The following ARMC8 variants were observed in gnomAD, a reference collection of about 807,000 sequenced individuals.
ARMC8 encodes armadillo repeat-containing protein 8.
Under a neutral mutation model 99.3 loss-of-function variants are expected in ARMC8, and 20 were observed. The observed-to-expected ratio is 0.20, with a 90% CI of 0.14 to 0.29. The LOEUF (loss-of-function observed/expected upper bound fraction) is 0.29. Ranked by LOEUF, ARMC8 falls within the 10% of genes least tolerant of loss-of-function variation. The pLI is 1.00. For synonymous variants in ARMC8, 263 were observed against 278.3 expected, an observed-to-expected ratio of 0.95 and a Z score of 0.55; for missense variants, 569 against 809.5, an observed-to-expected ratio of 0.70 and a Z score of 3.60.
intron 1 of ARMC8, among the ~76,000 whole-genome samples, chr3:138,191,195 ACTAT>A (rs1391524475): frequency 6.6e-6 from 1 of 152,164 alleles, no homozygotes; most frequent in African/African-American, 2.4e-5. Flanking sequence ...GTTTGATTGA[ACTAT>A]CTATTTTGGA....
intron 1 of ARMC8, chr3:138,188,520 C>T: frequency 1.2e-6 from 2 of 1,613,948 alleles, no homozygotes; most frequent in Non-Finnish European, 1.7e-6. Flanking sequence ...AGCTGTCCGA[C>T]TCTGAGAATG....
Position 138,270,076 on chromosome 3 carries a change from G to A in ARMC8, c.1423G>A (p.Gly475Arg). 7 of 1,613,462 alleles carry A rather than the reference G, an allele frequency of 4.3e-6. 1 individual carries two copies. The highest frequency in any genetic ancestry group is 5.9e-6 in the Non-Finnish European group (7 of 1,179,678). ...ATCAGGAGCCGTAGAGCTACTTTGT[G>A]GATTAACTCAGAGTGAAAATCCTGC... ...LESGAVELLC[G>R]LTQSENPALR... Residue 475 changes from glycine (G) to arginine (R), a missense_variant, in exon 16 of 22, where the codon GGA (glycine) becomes AGA (arginine). Around this residue, in one of 2 missense-constraint regions of ARMC8, gnomAD observed 227 missense variants for 417.9 expected, o/e 0.54. Coordinates refer to ENST00000469044, the MANE Select transcript of ARMC8 (RefSeq NM_001363941.2).
Position 138,296,029 on chromosome 3 carries a change from G to T in ARMC8, c.*137G>T. 1 of 702,492 alleles carries T rather than the reference G, an allele frequency of 1.4e-6. No homozygotes were observed. The allele number at this position is 702,492 out of a possible 1,614,324, so 43.5% of individuals were successfully genotyped here. ...GCTGTTTTGCAAAAGCAGTTTAGTA[G>T]GCTTAGATCTCAAATTCATCTTGAG... On this transcript the variant is annotated 3_prime_UTR_variant, in exon 22 of 22. Transcript: ENST00000469044.
Position 138,241,884 on chromosome 3 carries a change from G to A in ARMC8, c.939G>A (p.Glu313=). ...TLAYLIEPDV[E]LQRIASITDH... ...CCTATCTGATTGAACCAGATGTTGAGCTACAGAGAATCGCTAGCATAACTG... is the reference window on the plus strand; with the variant it reads ...CCTATCTGATTGAACCAGATGTTGAACTACAGAGAATCGCTAGCATAACTG... Residue 313 remains glutamate (E), a synonymous_variant, in exon 11 of 22, where the codon GAG becomes GAA. Transcript: ENST00000469044. 1 of 1,614,018 alleles carries A rather than the reference G, an allele frequency of 6.2e-7. No homozygotes were observed. The highest frequency in any genetic ancestry group is 8.5e-7 in the Non-Finnish European group (1 of 1,179,954).
At position 138,187,915 on chromosome 3, in the gene ARMC8, G is replaced by T. The variant is rs1050350980; in HGVS notation, c.45+316G>T. 1.4e-5 allele frequency: 6 copies of T among 423,728 alleles called. No individual in the cohort carries two copies. In the South Asian group the frequency reaches 2.5e-4, roughly 18 times the overall value. 26.2% of individuals were successfully genotyped at this position (423,728 alleles called of 1,614,324 possible). On this transcript the variant is annotated intron_variant, in intron 1 of 21. Transcript: ENST00000469044. ...CTTGGACTTTGCCAAGCGTTTCACT[G>T]AGCCTTCCTTTTAGCGATGCCGCTT...
intron 2 of ARMC8, among the ~76,000 whole-genome samples, chr3:138,218,241 C>T (rs1427193718): frequency 1.3e-5 from 2 of 152,156 alleles, no homozygotes; most frequent in African/African-American, 4.8e-5. Flanking sequence ...GGGGCATCAG[C>T]CACTTAGTTG....
At chr3:138,259,437 T>C (rs1320328557) in intron 12 of ARMC8, among the ~76,000 whole-genome samples, 1 of 152,240 alleles carries the variant, frequency 6.6e-6, no homozygotes, top group Non-Finnish European at 1.5e-5. Flanking sequence ...TGCAAAACCC[T>C]GGTTAGATCA....
chr3:138,250,040 G>T (rs1337185861), intron 12 of ARMC8, among the ~76,000 whole-genome samples: 1 of 151,988 alleles, frequency 6.6e-6, no homozygotes, highest in Non-Finnish European at 1.5e-5. Context: ...TTCCTTGAAG[G>T]AAAAAAAGTT....
intron 1 of ARMC8, among the ~76,000 whole-genome samples, chr3:138,204,447 C>G (rs1559919985): frequency 1.3e-5 from 2 of 152,184 alleles, no homozygotes; most frequent in South Asian, 2.1e-4. Context: ...AAAATAGACT[C>G]TCTCCTGAGT....
chr3:138,197,366 A>T (rs964232946), intron 1 of ARMC8, among the ~76,000 whole-genome samples: 10 of 152,318 alleles, frequency 6.6e-5, no homozygotes, highest in African/African-American at 2.4e-4. Context: ...CTTTTTTATC[A>T]GGAAGGCGCC....
At chr3:138,208,669 C>T (rs76015797) in intron 1 of ARMC8, among the ~76,000 whole-genome samples, 2,262 of 152,038 alleles carry the variant, frequency 0.015, 60 homozygotes, top group African/African-American at 0.052. Context: ...TTATTGCTAA[C>T]GGCGGGGGAG....
intron 1 of ARMC8, among the ~76,000 whole-genome samples, chr3:138,205,880 T>A (rs995202654): frequency 6.6e-6 from 1 of 152,058 alleles, no homozygotes; most frequent in Non-Finnish European, 1.5e-5. Context: ...AAAATAAAAA[T>A]CCTAACAATG....
intron 1 of ARMC8, among the ~76,000 whole-genome samples, chr3:138,206,038 T>C (rs531702023): frequency 1.3e-5 from 2 of 152,368 alleles, no homozygotes; most frequent in South Asian, 4.1e-4. Context: ...AAGCAAAATA[T>C]TATTTCAATA....
At chr3:138,216,150 G>A (rs1465862810) in intron 2 of ARMC8, among the ~76,000 whole-genome samples, 2 of 151,036 alleles carry the variant, frequency 1.3e-5, no homozygotes, top group African/African-American at 4.9e-5. Context: ...GACTTCCAAA[G>A]TGCTGCTTTT....
chr3:138,235,136 C>G (rs981445096), intron 7 of ARMC8, 22 bp downstream of exon 7: 1 of 1,554,184 alleles, frequency 6.4e-7, no homozygotes, highest in Admixed American at 1.7e-5. Flanking sequence ...AAAATTGTGG[C>G]CAGATTTGTA....
rs761718445 is a variant in ARMC8, at chr3:138,239,538, T to G, written c.837+10T>G. The stretch of plus-strand genomic sequence containing the variant: ...CTGTATTGTATTAAAGGTAAGCTAA[T>G]TAATTATCTTTAAAATGTGAAAATT... On this transcript the variant is annotated intron_variant, in intron 10 of 21. Coordinates refer to ENST00000469044, the MANE Select transcript of ARMC8 (RefSeq NM_001363941.2). The G allele has an allele frequency of 6.4e-7, 1 of 1,552,562 alleles. No homozygotes were observed. Among genetic ancestry groups the G allele is most frequent in the Non-Finnish European group, 8.8e-7 (1 of 1,138,560 alleles).
chr3:138,187,663 C>T (rs1417021318), intron 1 of ARMC8, 64 bp downstream of exon 1: 4 of 1,507,636 alleles, frequency 2.7e-6, no homozygotes, highest in Non-Finnish European at 3.6e-6. Flanking sequence ...CTCCACCATT[C>T]CCCCAAGCGT....
intron 1 of ARMC8, chr3:138,187,972 G>A (rs1467076744): frequency 3.5e-6 from 1 of 289,156 alleles, no homozygotes; most frequent in Non-Finnish European, 6.6e-6. Context: ...CTTGTGAAGC[G>A]CCGGGCTTGC....
At chr3:138,272,745 C>A (rs1414696201) in intron 16 of ARMC8, among the ~76,000 whole-genome samples, 1 of 152,040 alleles carries the variant, frequency 6.6e-6, no homozygotes, top group African/African-American at 2.4e-5. Flanking sequence ...CGTGGTGGCT[C>A]GCGCCTGTAC....
Sources: allele counts gnomAD v4.1 joint callset (sites outside exome capture counted in the v4.1 genomes callset), GRCh38; gene constraint gnomAD v4.1.1; regional missense constraint gnomAD v4.1.1; transcripts MANE v1.5; gene names NCBI Gene and HGNC (gene_info 2026-07-23, HGNC 2026-07-21).